ARSB: variants seen among roughly 807,000 people sequenced by gnomAD.
The protein encoded by ARSB is arylsulfatase B, also known as N-acetylgalactosamine-4-sulfatase.
ARSB carries 41 observed loss-of-function variants against 50.9 expected under a neutral mutation model. That is an observed-to-expected ratio of 0.81 (90% CI 0.63 to 1.04). The LOEUF (loss-of-function observed/expected upper bound fraction) is 1.04, where lower values mean the gene tolerates loss of function less well. Ranked by LOEUF, ARSB falls within the 50% of genes least tolerant of loss-of-function variation. The pLI, the probability that ARSB is intolerant of heterozygous loss-of-function variation, is 0.00. For synonymous variants in ARSB, 269 were observed against 284.8 expected (o/e 0.94, Z 0.56); for missense variants, 672 against 693.3 (o/e 0.97, Z 0.35).
At chr5:78,888,624 T>C (rs1748145591) in intron 4 of ARSB, among the ~76,000 whole-genome samples, 1 of 152,174 alleles carries the variant, frequency 6.6e-6, no homozygotes, top group African/African-American at 2.4e-5. Context: ...CGGAAAGTAT[T>C]GGATGAAGAT....
chr5:78,961,651 T>C (rs565263188), intron 3 of ARSB, among the ~76,000 whole-genome samples: 75 of 152,298 alleles, frequency 4.9e-4, no homozygotes, highest in African/African-American at 1.8e-3. Context: ...TGGAACCCTG[T>C]GAGGGAATAT....
intron 5 of ARSB, among the ~76,000 whole-genome samples, chr5:78,874,935 C>A (rs1747417708): frequency 6.6e-6 from 1 of 152,100 alleles, no homozygotes; most frequent in African/African-American, 2.4e-5. Flanking sequence ...ATAGTGAGAC[C>A]CTGCCTCTAC....
intron 4 of ARSB, 82 bp downstream of exon 4, chr5:78,955,213 G>A (rs1289790850): frequency 2.2e-5 from 31 of 1,394,176 alleles, no homozygotes; most frequent in African/African-American, 7.1e-5. Flanking sequence ...AATGCTAACC[G>A]CTCCAATTTG....
chr5:78,922,991 T>C (rs1749895930), intron 4 of ARSB, among the ~76,000 whole-genome samples: 1 of 152,154 alleles, frequency 6.6e-6, no homozygotes, highest in African/African-American at 2.4e-5. Flanking sequence ...GGAGTCAGTA[T>C]GAACATGTGA....
chr5:78,810,507 CAGTT>C (rs748248307), intron 6 of ARSB, among the ~76,000 whole-genome samples: 1 of 152,222 alleles, frequency 6.6e-6, no homozygotes, highest in Non-Finnish European at 1.5e-5. Flanking sequence ...TTTCTGCTGA[CAGTT>C]AGTTTGGCAG....
intron 2 of ARSB, among the ~76,000 whole-genome samples, chr5:78,965,974 G>T (rs1752189153): frequency 6.6e-6 from 1 of 152,168 alleles, no homozygotes; most frequent in Non-Finnish European, 1.5e-5. Flanking sequence ...AACAGAGAAA[G>T]AAATGTATCC....
rs79870786 is a variant in ARSB at position 78,832,311 on chromosome 5, T to C, written c.1213+7045A>G. Among the ~76,000 whole-genome samples the C allele has an allele frequency of 1.7e-4, 26 of 152,302 alleles. No homozygotes were observed. The East Asian group carries it at 3.9e-3, about 23-fold the overall frequency. ...TGGTGGGCGTTGTAGGAGGGCTTGC[T>C]AGTGGACAGCTGGGAACCACCAACA... On this transcript the variant is annotated intron_variant, in intron 6 of 7. Transcript: ENST00000264914.
intron 4 of ARSB, among the ~76,000 whole-genome samples, chr5:78,898,884 C>T (rs954296254): frequency 8.5e-5 from 13 of 152,192 alleles, no homozygotes; most frequent in African/African-American, 3.1e-4. Context: ...TGTCCAGGTA[C>T]TTAATTTTAC....
intron 5 of ARSB, among the ~76,000 whole-genome samples, chr5:78,840,389 A>C (rs945185171): frequency 6.6e-6 from 1 of 152,230 alleles, no homozygotes; most frequent in Non-Finnish European, 1.5e-5. Flanking sequence ...CCCAGTGTCC[A>C]CACGCCAAAC....
chr5:78,905,910 CAAAAAAA>C (rs57651882), intron 4 of ARSB, among the ~76,000 whole-genome samples: 148 of 94,416 alleles, frequency 1.6e-3, no homozygotes, highest in Non-Finnish European at 2.1e-3. Flanking sequence ...AGCAAAGTAG[CAAAAAAA>C]AAAAAAAAAA....
intron 4 of ARSB, among the ~76,000 whole-genome samples, chr5:78,911,004 GT>G (rs943499767): frequency 2.0e-5 from 3 of 152,072 alleles, no homozygotes; most frequent in Non-Finnish European, 4.4e-5. Flanking sequence ...TATTTTTGTT[GT>G]TGTTGTTCTT....
At chr5:78,905,608 A>C (rs1190150542) in intron 4 of ARSB, among the ~76,000 whole-genome samples, 1 of 152,142 alleles carries the variant, frequency 6.6e-6, no homozygotes, top group Non-Finnish European at 1.5e-5. Flanking sequence ...GGGTTAATCT[A>C]GGACCTGGGC....
At chr5:78,913,415 G>A (rs573979471) in intron 4 of ARSB, among the ~76,000 whole-genome samples, 2 of 152,210 alleles carry the variant, frequency 1.3e-5, no homozygotes, top group Admixed American at 1.3e-4. Context: ...GTGAGCCACC[G>A]CGCCCGGCTT....
chr5:78,807,418 CA>C (rs1195583835), intron 6 of ARSB, among the ~76,000 whole-genome samples: 2 of 152,150 alleles, frequency 1.3e-5, no homozygotes, highest in Non-Finnish European at 2.9e-5. Context: ...GTGAAAATGG[CA>C]CATTTCTCTT....
intron 2 of ARSB, among the ~76,000 whole-genome samples, chr5:78,966,264 T>C (rs1035287042): frequency 2.0e-5 from 3 of 152,352 alleles, no homozygotes; most frequent in Admixed American, 6.5e-5. Flanking sequence ...CAAGCAACCA[T>C]GTGACAATCA....
chr5:78,879,362 G>T (rs1034366254), intron 5 of ARSB, among the ~76,000 whole-genome samples: 5 of 152,206 alleles, frequency 3.3e-5, no homozygotes, highest in Admixed American at 3.3e-4. Flanking sequence ...GGCAAACATA[G>T]TCTGTGGCTT....
At chr5:78,957,358 T>C (rs1442099902) in intron 3 of ARSB, among the ~76,000 whole-genome samples, 4 of 152,156 alleles carry the variant, frequency 2.6e-5, no homozygotes, top group Non-Finnish European at 2.9e-5. Context: ...ATCCTTGTAA[T>C]GCAAAAAGGA....
intron 4 of ARSB, among the ~76,000 whole-genome samples, chr5:78,903,148 A>AG (rs1383088646): frequency 6.6e-6 from 1 of 152,192 alleles, no homozygotes; most frequent in Non-Finnish European, 1.5e-5. Flanking sequence ...GTAACTTCAG[A>AG]GGGGGAATAA....
At chr5:78,908,623 G>C (rs115079767) in intron 4 of ARSB, among the ~76,000 whole-genome samples, 1 of 152,172 alleles carries the variant, frequency 6.6e-6, no homozygotes, top group Non-Finnish European at 1.5e-5. Flanking sequence ...TTAATGGCTT[G>C]AGTGTCAGGG....
Sources: gnomAD v4.1 joint callset for allele counts (sites outside exome capture counted in the v4.1 genomes callset) on GRCh38, gnomAD v4.1.1 for gene constraint, MANE v1.5 for transcripts, NCBI Gene and HGNC (gene_info 2026-07-23, HGNC 2026-07-21) for gene names.